NLN: variants seen among roughly 807,000 people sequenced by gnomAD.
NLN encodes neurolysin, mitochondrial.
In NLN, 64 loss-of-function variants were observed where a neutral mutation model predicts 79.9. The ratio of observed to expected loss-of-function variants is 0.80; its 90% CI spans 0.65 to 0.99. The LOEUF is 0.99. Ranked by LOEUF, NLN falls within the 50% of genes least tolerant of loss-of-function variation. The probability of loss-of-function intolerance (pLI) is 0.00; values close to 1 mark genes in which losing one functional copy is unlikely to be tolerated. For synonymous variants in NLN, 267 were observed against 296.6 expected (o/e 0.90, Z 1.02); for missense variants, 835 against 858.7 (o/e 0.97, Z 0.34).
chr5:65,762,940 GT>G lies in NLN; in HGVS notation c.302-13del, dbSNP rs751072872. ...TGACAAGTCCTGTTGTGTGGTGATAGTTTTTTTCTCCATCTGCAGTGGAAAG... is the reference window on the plus strand; with the variant it reads ...TGACAAGTCCTGTTGTGTGGTGATAGTTTTTTCTCCATCTGCAGTGGAAAG... On this transcript the variant is annotated intron_variant, in intron 2 of 12. Transcript: ENST00000380985. 11 of 1,611,444 alleles carry G rather than the reference GT, an allele frequency of 6.8e-6. No homozygotes were observed. The highest frequency in any genetic ancestry group is 9.3e-6 in the Non-Finnish European group (11 of 1,178,736).
In NLN at chr5:65,823,142, G is replaced by T; in HGVS notation, c.*227G>T. 5.0e-6 allele frequency: 2 copies of T among 401,344 alleles called. No individual in the cohort carries two copies. The highest frequency in any genetic ancestry group is 5.2e-5 in the South Asian group (1 of 19,242). The allele number at this position is 401,344 out of a possible 1,614,324, so 24.9% of individuals were successfully genotyped here. A position where few individuals can be genotyped will look rare whatever the true frequency, so the allele number is the denominator to read the frequency against. ...TTGTACTATAAAATTTCATAAAACTGGATTTGATTTCTTTTTATGAAAGTT... is the reference window on the plus strand; with the variant it reads ...TTGTACTATAAAATTTCATAAAACTTGATTTGATTTCTTTTTATGAAAGTT... On this transcript the variant is annotated 3_prime_UTR_variant, in exon 13 of 13. Transcript: ENST00000380985.
chr5:65,762,676 C>A (rs896480278), intron 2 of NLN, among the ~76,000 whole-genome samples: 21 of 149,518 alleles, frequency 1.4e-4, no homozygotes, highest in African/African-American at 5.2e-4. Flanking sequence ...GCACTCCAGC[C>A]TGGGCGACAA....
chr5:65,781,306 A>G lies in NLN; in HGVS notation c.707A>G (p.Asp236Gly), dbSNP rs745803741. The G allele has an allele frequency of 1.9e-6, 3 of 1,607,862 alleles. No homozygotes were observed. In the South Asian group the frequency reaches 3.3e-5, roughly 18 times the overall value. Reference sequence around the variant, plus strand: ...ATTGACAGTTTAGAAAAGACAGATGATGACAAGTATAAAATTACCTTAAAA... The same window carrying G: ...ATTGACAGTTTAGAAAAGACAGATGGTGACAAGTATAAAATTACCTTAAAA... ...DFIDSLEKTDDDKYKITLKYP... is the reference protein window; with the variant it reads ...DFIDSLEKTDGDKYKITLKYP... The change falls in exon 6 of 13, where the codon GAT becomes GGT. Residue 236 changes from aspartate (D) to glycine (G), a missense_variant. Coordinates refer to ENST00000380985, the MANE Select transcript of NLN (RefSeq NM_020726.5).
At chr5:65,725,121 G>C (rs991108062) in intron 1 of NLN, among the ~76,000 whole-genome samples, 1 of 152,026 alleles carries the variant, frequency 6.6e-6, no homozygotes, top group South Asian at 2.1e-4. Flanking sequence ...GCACTGTTTC[G>C]CATTTTTGCA....
chr5:65,744,082 G>T (rs998478219), intron 1 of NLN, among the ~76,000 whole-genome samples: 1 of 152,160 alleles, frequency 6.6e-6, no homozygotes, highest in East Asian at 1.9e-4. Flanking sequence ...TAGAGACAGG[G>T]TCTTACTCTG....
chr5:65,787,485 A>G (rs914472552), intron 7 of NLN, among the ~76,000 whole-genome samples: 5 of 152,216 alleles, frequency 3.3e-5, no homozygotes, highest in African/African-American at 1.2e-4. Context: ...AACGTATGTA[A>G]CAAAATGTAA....
intron 1 of NLN, among the ~76,000 whole-genome samples, chr5:65,749,097 T>G (rs1177350086): frequency 6.6e-6 from 1 of 152,242 alleles, no homozygotes; most frequent in Non-Finnish European, 1.5e-5. Flanking sequence ...CTCCTTCTCC[T>G]TCTGCTATGA....
intron 1 of NLN, chr5:65,722,629 A>G (rs1561171940): frequency 1.9e-6 from 1 of 532,652 alleles, no homozygotes; most frequent in Non-Finnish European, 3.3e-6. Context: ...GAGGACGTCC[A>G]TTCCTCTTTG....
chr5:65,730,325 G>A (rs1276714637), intron 1 of NLN, among the ~76,000 whole-genome samples: 1 of 152,182 alleles, frequency 6.6e-6, no homozygotes, highest in Non-Finnish European at 1.5e-5. Flanking sequence ...CTTGAGTAAT[G>A]ATCTAAGAGA....
intron 9 of NLN, among the ~76,000 whole-genome samples, chr5:65,800,469 A>T (rs1404402495): frequency 6.6e-6 from 1 of 152,046 alleles, no homozygotes; most frequent in Non-Finnish European, 1.5e-5. Context: ...AGGTCAGGAG[A>T]TCGAGACCAT....
At chr5:65,777,916 AC>A (rs1489149740) in intron 4 of NLN, among the ~76,000 whole-genome samples, 11 of 152,234 alleles carry the variant, frequency 7.2e-5, no homozygotes, top group Non-Finnish European at 1.5e-5. Context: ...ACTCCTGTTA[AC>A]CTCATGGTGA....
At chr5:65,744,665 G>A (rs1478729335) in intron 1 of NLN, among the ~76,000 whole-genome samples, 2 of 152,108 alleles carry the variant, frequency 1.3e-5, no homozygotes, top group African/African-American at 2.4e-5. Flanking sequence ...TTGGGAGGCC[G>A]AGGCGGGTGG....
chr5:65,788,182 G>C lies in NLN; in HGVS notation c.1023G>C (p.Lys341Asn). ...AACGAGAGTTTATTTTGAATTTGAA[G>C]AAAAAGGAATGCAAAGACAGGGGTT... is the stretch of plus-strand genomic sequence containing the variant. ...EAEREFILNL[K>N]KKECKDRGFE... is the part of the protein sequence containing the mutation. The change falls in exon 8 of 13, where the codon AAG becomes AAC. Residue 341 changes from lysine to asparagine, a missense_variant. Lys to Asn is a moderately conservative substitution (Grantham distance 94). Transcript: ENST00000380985. 1.2e-6 allele frequency: 2 copies of C among 1,614,088 alleles called. No individual in the cohort carries two copies. The highest frequency in any genetic ancestry group is 2.2e-5 in the South Asian group (2 of 91,086).
rs550338951 is a variant in NLN, at chr5:65,765,197, A to G, written c.450+2089A>G. Among the ~76,000 whole-genome samples, 4 of 152,040 alleles carry G rather than the reference A, an allele frequency of 2.6e-5. No homozygotes were observed. The East Asian group carries it at 7.7e-4, about 29-fold the overall frequency. The stretch of plus-strand genomic sequence containing the variant: ...CGGGAGTTCAAGACCAGCTTGGGCA[A>G]TATGGCAAAAACCCATCTCTACAAA... On this transcript the variant is annotated intron_variant, in intron 3 of 12. Transcript: ENST00000380985.
chr5:65,821,281 T>C (rs998831530), intron 12 of NLN, among the ~76,000 whole-genome samples: 4 of 152,168 alleles, frequency 2.6e-5, no homozygotes, highest in Non-Finnish European at 5.9e-5. Context: ...TAGAACACTG[T>C]GTAGCAAACC....
At chr5:65,813,030 T>C (rs1338720078) in intron 12 of NLN, among the ~76,000 whole-genome samples, 1 of 152,224 alleles carries the variant, frequency 6.6e-6, no homozygotes, top group Non-Finnish European at 1.5e-5. Context: ...CATTTTCCAA[T>C]GTATGTTTTT....
chr5:65,738,590 A>T (rs928246854), intron 1 of NLN, among the ~76,000 whole-genome samples: 2 of 151,986 alleles, frequency 1.3e-5, no homozygotes, highest in Non-Finnish European at 2.9e-5. Context: ...ATAAAATAAA[A>T]CAAAGAAAAA....
chr5:65,785,546 A>G (rs1759899787), intron 6 of NLN, among the ~76,000 whole-genome samples: 1 of 151,626 alleles, frequency 6.6e-6, no homozygotes, highest in Admixed American at 6.6e-5. Flanking sequence ...TTAAGACCTC[A>G]TAGTTCTGAA....
At chr5:65,775,687 G>C (rs1162864068) in intron 3 of NLN, among the ~76,000 whole-genome samples, 1 of 152,222 alleles carries the variant, frequency 6.6e-6, no homozygotes, top group African/African-American at 2.4e-5. Flanking sequence ...GATTGGAGCT[G>C]CTGGCCACCC....
Sources: gnomAD v4.1 joint callset for allele counts (sites outside exome capture counted in the v4.1 genomes callset) on GRCh38, gnomAD v4.1.1 for gene constraint, MANE v1.5 for transcripts, NCBI Gene and HGNC (gene_info 2026-07-23, HGNC 2026-07-21) for gene names.